Variants in PIK3R1 observed in about 807,000 individuals in gnomAD.
PIK3R1 encodes phosphatidylinositol 3-kinase regulatory subunit alpha.
Under a neutral mutation model 98.0 loss-of-function variants are expected in PIK3R1, and 29 were observed. The ratio of observed to expected loss-of-function variants is 0.30; its 90% CI spans 0.22 to 0.40. PIK3R1 has a LOEUF of 0.40. PIK3R1 is among the 10% of genes least tolerant of loss of function. The pLI is 1.00. For missense variants in PIK3R1, 596 were observed against 872.7 expected, an observed-to-expected ratio of 0.68 and a Z score of 3.99; for synonymous variants, 282 against 311.8, an observed-to-expected ratio of 0.90 and a Z score of 1.01.
chr5:68,233,485 T>C (rs1744555071), intron 2 of PIK3R1, among the ~76,000 whole-genome samples: 1 of 152,246 alleles, frequency 6.6e-6, no homozygotes, highest in Non-Finnish European at 1.5e-5. Context: ...CAAAGTGAAC[T>C]AGAAATGGGC....
chr5:68,279,572 G>A, intron 4 of PIK3R1, 30 bp from the exon 5 acceptor site: 1 of 1,586,652 alleles, frequency 6.3e-7, no homozygotes, highest in Non-Finnish European at 8.6e-7. Context: ...TAAAATAAAT[G>A]TCTGAAATAT....
Position 68,295,548 on chromosome 5 carries a change from G to T in PIK3R1, c.1814+60G>T. 2.2e-6 allele frequency: 3 copies of T among 1,389,438 alleles called. No individual in the cohort carries two copies. The South Asian group carries it at 3.5e-5, about 16-fold the overall frequency. The allele number at this position is 1,389,438 out of a possible 1,614,324, so 86.1% of individuals were successfully genotyped here. A position where few individuals can be genotyped will look rare whatever the true frequency, so the allele number is the denominator to read the frequency against. On this transcript the variant is annotated intron_variant, in intron 14 of 15. Transcript: ENST00000521381. ...TTTTTCTCATTTTAGGAAAATGCATGACTTGCTTTGTTTTTAGAACAAGTG... is the reference window on the plus strand; with the variant it reads ...TTTTTCTCATTTTAGGAAAATGCATTACTTGCTTTGTTTTTAGAACAAGTG...
At chr5:68,270,366 T>G (rs1746301973) in intron 2 of PIK3R1, among the ~76,000 whole-genome samples, 1 of 152,198 alleles carries the variant, frequency 6.6e-6, no homozygotes. Flanking sequence ...CCCAGCAATA[T>G]AACAACTTTT....
intron 2 of PIK3R1, among the ~76,000 whole-genome samples, chr5:68,235,178 A>G (rs1485521816): frequency 6.6e-6 from 1 of 152,062 alleles, no homozygotes; most frequent in Non-Finnish European, 1.5e-5. Context: ...CAAGGTGGGC[A>G]GATCACTTGA....
At chr5:68,227,288 TC>T (rs1744315401) in intron 2 of PIK3R1, among the ~76,000 whole-genome samples, 1 of 152,222 alleles carries the variant, frequency 6.6e-6, no homozygotes, top group African/African-American at 2.4e-5. Flanking sequence ...GAATTAAACA[TC>T]TACTATATTT....
intron 7 of PIK3R1, among the ~76,000 whole-genome samples, chr5:68,282,115 T>C (rs779037925): frequency 2.6e-5 from 4 of 152,138 alleles, no homozygotes; most frequent in Non-Finnish European, 5.9e-5. Flanking sequence ...GCATGGGATG[T>C]TCCAAATCAC....
In PIK3R1 at chr5:68,298,404, G is replaced by T. The variant is rs374741535; in HGVS notation, c.*803G>T. The T allele has an allele frequency of 4.3e-6, 1 of 233,148 alleles. No homozygotes were observed. Among genetic ancestry groups the T allele is most frequent in the East Asian group, 6.1e-5 (1 of 16,458 alleles). 14.4% of individuals were successfully genotyped at this position (233,148 alleles called of 1,614,324 possible). On this transcript the variant is annotated 3_prime_UTR_variant, in exon 16 of 16. Transcript: ENST00000521381. ...TTTTGCTGAAGGCTAAATTCACAGC[G>T]CTATGCAATTCTTAATTTTCATTAA...
In PIK3R1 at chr5:68,301,486, A is replaced by C. The variant is rs1437247472; in HGVS notation, c.*3885A>C. 1 of 141,526 alleles carries C rather than the reference A, an allele frequency of 7.1e-6. No individual in the cohort carries two copies. Among genetic ancestry groups the C allele is most frequent in the East Asian group, 1.9e-4 (1 of 5,226 alleles). 8.8% of individuals were successfully genotyped at this position (141,526 alleles called of 1,614,324 possible). On this transcript the variant is annotated 3_prime_UTR_variant, in exon 16 of 16. Transcript: ENST00000521381. ...TATATATATGTATATACATATATGT[A>C]TATATATGCACATATATATATGTAT... is the stretch of plus-strand genomic sequence containing the variant.
intron 7 of PIK3R1, chr5:68,288,282 C>A: frequency 7.8e-6 from 3 of 387,082 alleles, no homozygotes; most frequent in South Asian, 1.1e-4. Flanking sequence ...CAGCCGATGA[C>A]AACTTTGACT....
chr5:68,220,468 C>T (rs545250499), intron 1 of PIK3R1, among the ~76,000 whole-genome samples: 3 of 152,296 alleles, frequency 2.0e-5, no homozygotes, highest in African/African-American at 7.2e-5. Flanking sequence ...CCCTTTCTCC[C>T]AGCCTCCGCG....
intron 2 of PIK3R1, among the ~76,000 whole-genome samples, chr5:68,271,394 A>G (rs570934517): frequency 2.8e-4 from 43 of 152,312 alleles, no homozygotes; most frequent in Non-Finnish European, 4.3e-4. Flanking sequence ...GAGTTCAAAT[A>G]TTGATTAGCT....
chr5:68,216,597 G>A (rs72770171), intron 1 of PIK3R1, among the ~76,000 whole-genome samples: 1 of 152,180 alleles, frequency 6.6e-6, no homozygotes, highest in East Asian at 1.9e-4. Flanking sequence ...AGCCAAGCTT[G>A]GGCAGGTTGT....
At chr5:68,273,532 A>G (rs761918175) in intron 3 of PIK3R1, 50 bp downstream of exon 3, 1 of 1,398,802 alleles carries the variant, frequency 7.1e-7, no homozygotes, top group South Asian at 1.2e-5. Context: ...CCCTTATTTC[A>G]TGGCTCTTAT....
chr5:68,296,107 A>T, intron 14 of PIK3R1, 64 bp from the exon 15 acceptor site: 2 of 1,518,542 alleles, frequency 1.3e-6, no homozygotes, highest in Non-Finnish European at 1.8e-6. Context: ...CCTAGGGAAG[A>T]CAGCAAGGCA....
intron 5 of PIK3R1, chr5:68,280,277 A>G: frequency 1.9e-6 from 1 of 527,754 alleles, no homozygotes; most frequent in Non-Finnish European, 3.3e-6. Context: ...AGTTGCTGCC[A>G]GCACACCCTG....
At chr5:68,261,884 C>T (rs1413774585) in intron 2 of PIK3R1, among the ~76,000 whole-genome samples, 1 of 152,074 alleles carries the variant, frequency 6.6e-6, no homozygotes, top group Non-Finnish European at 1.5e-5. Flanking sequence ...TGGTTCAGAC[C>T]CTATCCCTTC....
rs1351226349 is a variant in PIK3R1 at position 68,296,192 on chromosome 5, T to C, written c.1836T>C (p.Asp612=). ...NTEDQYSLVE[D]DEDLPHHDEK... ...CTAGCCAATATTCACTGGTGGAAGA[T>C]GATGAAGATTTGCCCCATCATGATG... The change falls in exon 15 of 16, where the codon GAT becomes GAC. Residue 612 remains aspartate (D), a synonymous_variant. Transcript: ENST00000521381. 1 of 1,614,158 alleles carries C rather than the reference T, an allele frequency of 6.2e-7. No homozygotes were observed. Among genetic ancestry groups the C allele is most frequent in the Non-Finnish European group, 8.5e-7 (1 of 1,180,026 alleles).
intron 2 of PIK3R1, among the ~76,000 whole-genome samples, chr5:68,257,691 GA>G (rs1246799297): frequency 1.3e-5 from 2 of 152,194 alleles, no homozygotes; most frequent in African/African-American, 4.8e-5. Flanking sequence ...TTCCAAAGAA[GA>G]TTCCATGTCT....
chr5:68,236,892 G>A (rs563466326), intron 2 of PIK3R1, among the ~76,000 whole-genome samples: 43 of 152,290 alleles, frequency 2.8e-4, no homozygotes, highest in African/African-American at 4.6e-4. Context: ...ACAAAGAGAC[G>A]GATAAGGCCA....
Sources: gnomAD v4.1 joint callset for allele counts (sites outside exome capture counted in the v4.1 genomes callset) on GRCh38, gnomAD v4.1.1 for gene constraint, MANE v1.5 for transcripts, NCBI Gene and HGNC (gene_info 2026-07-23, HGNC 2026-07-21) for gene names.